Variants in SAMD7 observed in about 807,000 individuals in gnomAD.
SAMD7 encodes the protein sterile alpha motif domain containing 7.
A neutral mutation model predicts 36.7 loss-of-function variants in SAMD7; 34 were observed. The observed-to-expected ratio is 0.93, with a 90% CI of 0.71 to 1.23. SAMD7 has a LOEUF of 1.23. Ranked by LOEUF, SAMD7 falls within the 50% of genes most tolerant of loss-of-function variation. The probability of loss-of-function intolerance (pLI) is 0.00; values close to 1 mark genes in which losing one functional copy is unlikely to be tolerated. For synonymous variants in SAMD7, 188 were observed against 189.7 expected, an observed-to-expected ratio of 0.99 and a Z score of 0.07; for missense variants, 570 against 546.6, an observed-to-expected ratio of 1.04 and a Z score of -0.43.
chr3:169,921,055 C>A (rs1003360444), intron 3 of SAMD7, among the ~76,000 whole-genome samples, 159 bp from the exon 4 acceptor site: 1 of 152,164 alleles, frequency 6.6e-6, no homozygotes, highest in Non-Finnish European at 1.5e-5. Flanking sequence ...CACCATATTT[C>A]TCCATAAATT....
At chr3:169,916,501 A>C (rs1446297410) in intron 2 of SAMD7, among the ~76,000 whole-genome samples, 2 of 152,110 alleles carry the variant, frequency 1.3e-5, no homozygotes, top group Non-Finnish European at 2.9e-5. Flanking sequence ...CAAAAAAATT[A>C]GCCGAGCGTG....
At position 169,926,992 on chromosome 3, in the gene SAMD7, C is replaced by T; in HGVS notation, c.730C>T (p.Pro244Ser). Residue 244 changes from proline to serine, a missense_variant, in exon 6 of 9, where the codon CCA becomes TCA. Pro to Ser is a moderately conservative substitution (Grantham distance 74). Transcript: ENST00000335556. ...GAAGTCAAGTGAAACGAATGAAAAGCCAACGACAGCTCTTGCCAACACCTG... is the reference window on the plus strand; with the variant it reads ...GAAGTCAAGTGAAACGAATGAAAAGTCAACGACAGCTCTTGCCAACACCTG... The part of the protein sequence containing the change: ...NQKSSETNEK[P>S]TTALANTCGE... 1 of 1,613,898 alleles carries T rather than the reference C, an allele frequency of 6.2e-7. No homozygotes were observed. The highest frequency in any genetic ancestry group is 8.5e-7 in the Non-Finnish European group (1 of 1,179,978).
chr3:169,938,612 A>G lies in SAMD7; in HGVS notation c.*106A>G, dbSNP rs1576842242. On this transcript the variant is annotated 3_prime_UTR_variant, in exon 9 of 9. Transcript: ENST00000335556. ...AGTACTGGATGGAGAATGAGAAGAG[A>G]AAGTCAGCCTTTCTGGGGCTTTCAT... is the stretch of plus-strand genomic sequence containing the variant. 9.4e-6 allele frequency: 7 copies of G among 744,974 alleles called. No homozygotes were observed. The highest frequency in any genetic ancestry group is 8.5e-5 in the South Asian group (4 of 46,906). 46.1% of individuals were successfully genotyped at this position (744,974 alleles called of 1,614,324 possible).
chr3:169,938,738 A>G lies in SAMD7; in HGVS notation c.*232A>G. ...AGGAGCAAATGCTAATGAAGGGGAGATTTACAAACATCAAGAAAGCTGCAG... is the reference window on the plus strand; with the variant it reads ...AGGAGCAAATGCTAATGAAGGGGAGGTTTACAAACATCAAGAAAGCTGCAG... On this transcript the variant is annotated 3_prime_UTR_variant, in exon 9 of 9. Coordinates refer to ENST00000335556, the MANE Select transcript of SAMD7 (RefSeq NM_001304366.2). The G allele has an allele frequency of 2.7e-6, 1 of 376,478 alleles. No homozygotes were observed. The highest frequency in any genetic ancestry group is 4.7e-6 in the Non-Finnish European group (1 of 212,662). 23.3% of individuals were successfully genotyped at this position (376,478 alleles called of 1,614,324 possible).
chr3:169,921,708 A>T (rs1203673036), intron 4 of SAMD7, among the ~76,000 whole-genome samples: 1 of 152,154 alleles, frequency 6.6e-6, no homozygotes, highest in Non-Finnish European at 1.5e-5. Flanking sequence ...TTTTATTCTG[A>T]GTAAAAAGGG....
intron 1 of SAMD7, among the ~76,000 whole-genome samples, chr3:169,915,122 T>C (rs1246418084): frequency 6.6e-6 from 1 of 152,214 alleles, no homozygotes; most frequent in Non-Finnish European, 1.5e-5. Flanking sequence ...CCTCAACCAA[T>C]GGCCAACAGA....
chr3:169,926,214 G>T lies in SAMD7; in HGVS notation c.291-339G>T, dbSNP rs549550681. 6 of 1,252,440 alleles carry T rather than the reference G, an allele frequency of 4.8e-6. No homozygotes were observed. In the African/African-American group the frequency reaches 7.6e-5, roughly 16 times the overall value. 77.6% of individuals were successfully genotyped at this position (1,252,440 alleles called of 1,614,324 possible). On this transcript the variant is annotated intron_variant, in intron 5 of 8. Coordinates refer to ENST00000335556, the MANE Select transcript of SAMD7 (RefSeq NM_001304366.2). The stretch of plus-strand genomic sequence containing the variant: ...AATCTCACTAAGATTATTTTGCAGG[G>T]TTTGAAAACCTCTTCCCAGTACTTT...
intron 4 of SAMD7, among the ~76,000 whole-genome samples, chr3:169,924,732 C>G (rs1403668996): frequency 6.6e-6 from 1 of 152,130 alleles, no homozygotes; most frequent in Non-Finnish European, 1.5e-5. Context: ...AATACGTATA[C>G]TTTTAAAAGA....
In SAMD7 at chr3:169,938,621, C is replaced by A; in HGVS notation, c.*115C>A. On this transcript the variant is annotated 3_prime_UTR_variant, in exon 9 of 9. Coordinates refer to ENST00000335556, the MANE Select transcript of SAMD7 (RefSeq NM_001304366.2). ...TGGAGAATGAGAAGAGAAAGTCAGCCTTTCTGGGGCTTTCATGGAGGAGAC... is the reference window on the plus strand; with the variant it reads ...TGGAGAATGAGAAGAGAAAGTCAGCATTTCTGGGGCTTTCATGGAGGAGAC... The A allele has an allele frequency of 1.5e-6, 1 of 674,946 alleles. No individual in the cohort carries two copies. The highest frequency in any genetic ancestry group is 2.4e-6 in the Non-Finnish European group (1 of 416,846). 41.8% of individuals were successfully genotyped at this position (674,946 alleles called of 1,614,324 possible).
At chr3:169,928,069 C>G (rs1373982250) in intron 6 of SAMD7, among the ~76,000 whole-genome samples, 2 of 152,186 alleles carry the variant, frequency 1.3e-5, no homozygotes, top group African/African-American at 4.8e-5. Flanking sequence ...CCAACTGTTT[C>G]CCTACAAAGT....
At chr3:169,917,293 A>G (rs1370236638) in intron 2 of SAMD7, among the ~76,000 whole-genome samples, 3 of 152,250 alleles carry the variant, frequency 2.0e-5, no homozygotes, top group East Asian at 1.9e-4. Flanking sequence ...CAAACACACA[A>G]TTTAATCAAA....
In SAMD7 at chr3:169,938,278, A is replaced by C. The variant is rs762369415; in HGVS notation, c.1153-40A>C. The stretch of plus-strand genomic sequence containing the variant: ...GTTTAATGCTGAGTTAATGAAAAAA[A>C]TTCATAGAATTGATTACTATAATTA... On this transcript the variant is annotated intron_variant, in intron 8 of 8. Coordinates refer to ENST00000335556, the MANE Select transcript of SAMD7 (RefSeq NM_001304366.2). 3 of 1,409,840 alleles carry C rather than the reference A, an allele frequency of 2.1e-6. No homozygotes were observed. In the East Asian group the frequency reaches 6.8e-5, roughly 32 times the overall value. 87.3% of individuals were successfully genotyped at this position (1,409,840 alleles called of 1,614,324 possible). A position where few individuals can be genotyped will look rare whatever the true frequency, so the allele number is the denominator to read the frequency against.
chr3:169,923,744 T>C (rs1342401385), intron 4 of SAMD7, among the ~76,000 whole-genome samples: 2 of 152,060 alleles, frequency 1.3e-5, no homozygotes, highest in Non-Finnish European at 2.9e-5. Flanking sequence ...GTCTCCAACC[T>C]CAAGGCTGAA....
chr3:169,920,221 G>A (rs1212082177), intron 3 of SAMD7, among the ~76,000 whole-genome samples: 1 of 152,110 alleles, frequency 6.6e-6, no homozygotes. Context: ...CTAAATACTG[G>A]ATGGTTTAAA....
At chr3:169,915,967 T>G (rs746074030) in intron 2 of SAMD7, among the ~76,000 whole-genome samples, 3 of 152,198 alleles carry the variant, frequency 2.0e-5, no homozygotes, top group African/African-American at 4.8e-5. Context: ...TGATGAGTTT[T>G]GGCATACGCA....
intron 7 of SAMD7, chr3:169,933,120 C>T: frequency 1.2e-6 from 1 of 836,776 alleles, no homozygotes; most frequent in East Asian, 2.6e-5. Flanking sequence ...TGATCCTCGT[C>T]TGGACGCCAT....
intron 1 of SAMD7, among the ~76,000 whole-genome samples, chr3:169,912,644 A>G (rs1180525835): frequency 6.6e-6 from 1 of 152,208 alleles, no homozygotes; most frequent in Non-Finnish European, 1.5e-5. Flanking sequence ...TCAAGAAGAC[A>G]TGGATAGGTC....
intron 4 of SAMD7, among the ~76,000 whole-genome samples, chr3:169,922,146 C>T (rs1286460034): frequency 6.6e-6 from 1 of 152,102 alleles, no homozygotes; most frequent in Admixed American, 6.6e-5. Flanking sequence ...ATCTGAGATG[C>T]CTAACAGACA....
At chr3:169,930,842 A>G (rs1189966786) in intron 7 of SAMD7, among the ~76,000 whole-genome samples, 1 of 151,470 alleles carries the variant, frequency 6.6e-6, no homozygotes, top group East Asian at 1.9e-4. Context: ...CGGCCTCCCA[A>G]AGTGCTGGGA....
Sources: allele counts gnomAD v4.1 joint callset (sites outside exome capture counted in the v4.1 genomes callset), GRCh38; gene constraint gnomAD v4.1.1; transcripts MANE v1.5; gene names NCBI Gene and HGNC (gene_info 2026-07-23, HGNC 2026-07-21).